The following SUCLG2 variants were observed in gnomAD, a reference collection of about 807,000 sequenced individuals.
SUCLG2 encodes the protein succinate--CoA ligase [GDP-forming] subunit beta, mitochondrial.
Under a neutral mutation model 47.9 loss-of-function variants are expected in SUCLG2, and 42 were observed. The ratio of observed to expected loss-of-function variants is 0.88; its 90% CI spans 0.69 to 1.14. The LOEUF is 1.14. SUCLG2 is among the 50% of genes most tolerant of loss of function. The probability of loss-of-function intolerance (pLI) is 0.00; values close to 1 mark genes in which losing one functional copy is unlikely to be tolerated. For missense variants in SUCLG2, 571 were observed against 525.9 expected, an observed-to-expected ratio of 1.09 and a Z score of -0.84; for synonymous variants, 195 against 197.3, an observed-to-expected ratio of 0.99 and a Z score of 0.10.
intron 2 of SUCLG2, among the ~76,000 whole-genome samples, chr3:67,604,675 C>T (rs72929333): frequency 0.061 from 9,200 of 152,050 alleles, 403 homozygotes; most frequent in African/African-American, 0.12. Flanking sequence ...TTGAAGCAAC[C>T]AAGAGATGAC....
chr3:67,565,770 T>G (rs933789020), intron 2 of SUCLG2, among the ~76,000 whole-genome samples: 2 of 152,200 alleles, frequency 1.3e-5, no homozygotes, highest in Non-Finnish European at 2.9e-5. Context: ...GCACTCTCAC[T>G]AGCGCCTAGC....
chr3:67,608,547 T>C (rs1309208249), intron 2 of SUCLG2, among the ~76,000 whole-genome samples: 1 of 152,178 alleles, frequency 6.6e-6, no homozygotes, highest in Non-Finnish European at 1.5e-5. Context: ...GATGCTCCAC[T>C]GTTGTACTAT....
At chr3:67,633,116 C>A (rs1323525950) in intron 1 of SUCLG2, among the ~76,000 whole-genome samples, 1 of 152,136 alleles carries the variant, frequency 6.6e-6, no homozygotes, top group Non-Finnish European at 1.5e-5. Flanking sequence ...ACAGGTAGTG[C>A]ATTTTTTAAT....
At chr3:67,545,987 C>G (rs199781431) in intron 2 of SUCLG2, among the ~76,000 whole-genome samples, 1 of 152,226 alleles carries the variant, frequency 6.6e-6, no homozygotes, top group Non-Finnish European at 1.5e-5. Context: ...CACCTAACCA[C>G]AGAAGCCATA....
At chr3:67,406,105 G>A (rs1002716350) in intron 9 of SUCLG2, among the ~76,000 whole-genome samples, 11 of 151,998 alleles carry the variant, frequency 7.2e-5, no homozygotes, top group African/African-American at 1.9e-4. Context: ...CCCCCCTTTC[G>A]CAGATGAGAA....
intron 10 of SUCLG2, among the ~76,000 whole-genome samples, chr3:67,383,267 C>A (rs1402111490): frequency 2.6e-5 from 4 of 152,194 alleles, no homozygotes; most frequent in Non-Finnish European, 2.9e-5. Flanking sequence ...CTGCTCCTTA[C>A]AGCAACCTTA....
intron 2 of SUCLG2, among the ~76,000 whole-genome samples, chr3:67,576,882 A>G (rs1003351118): frequency 6.6e-6 from 1 of 152,220 alleles, no homozygotes; most frequent in Admixed American, 6.5e-5. Flanking sequence ...AATGCTTCAA[A>G]TAAACTTCAC....
intron 1 of SUCLG2, among the ~76,000 whole-genome samples, chr3:67,616,670 A>C (rs1359275668): frequency 6.6e-6 from 1 of 152,238 alleles, no homozygotes; most frequent in Non-Finnish European, 1.5e-5. Context: ...ACAATGGTGT[A>C]GCCTTAAGTC....
At chr3:67,362,595 T>C (rs961001866) in intron 10 of SUCLG2, among the ~76,000 whole-genome samples, 7 of 152,198 alleles carry the variant, frequency 4.6e-5, no homozygotes, top group Non-Finnish European at 1.5e-5. Flanking sequence ...GCAACTGTTA[T>C]CTGGGTCGCC....
At chr3:67,513,126 T>C (rs1394368786) in intron 6 of SUCLG2, among the ~76,000 whole-genome samples, 1 of 151,932 alleles carries the variant, frequency 6.6e-6, no homozygotes, top group Non-Finnish European at 1.5e-5. Context: ...AACTGGCTTA[T>C]TTCACTTAGC....
At chr3:67,383,918 C>T (rs1702210669) in intron 10 of SUCLG2, among the ~76,000 whole-genome samples, 3 of 152,196 alleles carry the variant, frequency 2.0e-5, no homozygotes, top group Admixed American at 6.5e-5. Flanking sequence ...ATGTTTTATA[C>T]ACCCAAACAT....
At position 67,620,208 on chromosome 3, in the gene SUCLG2, G is replaced by A. The variant is rs190432647; in HGVS notation, c.85-10612C>T. 4.0e-3 allele frequency among the ~76,000 whole-genome samples: 604 copies of A among 152,286 alleles called. 4 individuals carry two copies. The highest frequency in any genetic ancestry group is 0.014 in the African/African-American group (572 of 41,562). ...TGGTCAGCAAGCTTTTGCCCTAGGA[G>A]GAGAGGCAGGGAAGAAAGACATGAA... On this transcript the variant is annotated intron_variant, in intron 1 of 10. Transcript: ENST00000307227.
At chr3:67,392,989 AC>A (rs1484558576) in intron 10 of SUCLG2, among the ~76,000 whole-genome samples, 1 of 152,006 alleles carries the variant, frequency 6.6e-6, no homozygotes, top group African/African-American at 2.4e-5. Context: ...AGATCACTGT[AC>A]TTTTTACTAC....
chr3:67,360,894 T>G (rs1031364457), intron 10 of SUCLG2: 7 of 800,108 alleles, frequency 8.7e-6, no homozygotes, highest in Non-Finnish European at 7.2e-6. Context: ...TGTTACTGAT[T>G]CTTCTCCCAC....
intron 2 of SUCLG2, among the ~76,000 whole-genome samples, chr3:67,563,894 A>G (rs903521925): frequency 1.3e-5 from 2 of 148,906 alleles, no homozygotes; most frequent in Admixed American, 6.8e-5. Flanking sequence ...CCGAGAGGCG[A>G]GCTTGCAGTG....
chr3:67,566,264 C>T (rs1294968293), intron 2 of SUCLG2, among the ~76,000 whole-genome samples: 1 of 152,060 alleles, frequency 6.6e-6, no homozygotes, highest in Non-Finnish European at 1.5e-5. Context: ...GTAAAATCAT[C>T]CTAAAAACTT....
In SUCLG2 at chr3:67,396,878, A is replaced by C. The variant is rs1481728178; in HGVS notation, c.1183+3853T>G. Reference sequence around the variant, plus strand: ...CAAGGCTGGTTCAATATACGAAAATAAATAAATGTAATCCAGCATATAAAC... The same window carrying C: ...CAAGGCTGGTTCAATATACGAAAATCAATAAATGTAATCCAGCATATAAAC... On this transcript the variant is annotated intron_variant, in intron 10 of 10. Transcript: ENST00000307227. Among the ~76,000 whole-genome samples the C allele has an allele frequency of 5.3e-5, 8 of 152,186 alleles. No individual in the cohort carries two copies. The South Asian group carries it at 6.2e-4, about 12-fold the overall frequency.
intron 2 of SUCLG2, among the ~76,000 whole-genome samples, chr3:67,596,175 G>C (rs141906135): frequency 3.9e-5 from 6 of 152,128 alleles, no homozygotes; most frequent in African/African-American, 1.4e-4. Flanking sequence ...ATCCCTTGAC[G>C]GGTTGTCTAT....
chr3:67,616,869 C>A (rs1036349575), intron 1 of SUCLG2, among the ~76,000 whole-genome samples: 3 of 152,202 alleles, frequency 2.0e-5, no homozygotes, highest in African/African-American at 7.2e-5. Flanking sequence ...GAGCTCTCAA[C>A]AGCAGTGACG....
Sources: gnomAD v4.1 joint callset for allele counts (sites outside exome capture counted in the v4.1 genomes callset) on GRCh38, gnomAD v4.1.1 for gene constraint, MANE v1.5 for transcripts, NCBI Gene and HGNC (gene_info 2026-07-23, HGNC 2026-07-21) for gene names.